EPRS1: variants seen among roughly 807,000 people sequenced by gnomAD.
The protein encoded by EPRS1 is bifunctional glutamate/proline--tRNA ligase.
EPRS1 carries 107 observed loss-of-function variants against 188.3 expected under a neutral mutation model. The ratio of observed to expected loss-of-function variants is 0.57; its 90% CI spans 0.49 to 0.67. EPRS1 has a LOEUF of 0.67. Ranked by LOEUF, EPRS1 falls within the 30% of genes least tolerant of loss-of-function variation. The probability of loss-of-function intolerance (pLI) is 0.00; values close to 1 mark genes in which losing one functional copy is unlikely to be tolerated. For synonymous variants in EPRS1, 596 were observed against 593.1 expected (o/e 1.00, Z -0.07); for missense variants, 1,577 against 1,802.2 (o/e 0.88, Z 2.26).
Position 219,988,678 on chromosome 1 carries a change from A to C in EPRS1, c.2687T>G (p.Leu896Ter), listed in dbSNP as rs775262803. The part of the protein sequence containing the change: ...SPTRNSEPAG[L>*]ETPEAKVLFD... ...AAGTACTTTCGCTTCTGGTGTTTCT[A>C]AACCAGCAGGTTCAGAATTTCTGGT... The change falls in exon 19 of 32, where the codon TTA becomes TGA. Residue 896 changes from leucine to a stop codon, truncating the protein, a stop_gained. Transcript: ENST00000366923. LOFTEE classifies it high-confidence loss of function. The C allele has an allele frequency of 6.2e-7, 1 of 1,613,928 alleles. No individual in the cohort carries two copies. The highest frequency in any genetic ancestry group is 2.2e-5 in the East Asian group (1 of 44,870).
rs1406778322 is a variant in EPRS1 at position 220,031,321 on chromosome 1, C to T, written c.529-841G>A. Among the ~76,000 whole-genome samples the T allele has an allele frequency of 3.9e-5, 6 of 152,132 alleles. 1 individual carries two copies. The highest frequency in any genetic ancestry group is 8.8e-5 in the Non-Finnish European group (6 of 68,002). On this transcript the variant is annotated intron_variant, in intron 5 of 31. Transcript: ENST00000366923. ...AGTCAGTCCTCAGGGATAATAGGAC[C>T]GTGGATTTGTGTTTTCTAAAGTGAT...
At chr1:220,022,223 C>T in intron 9 of EPRS1, 124 bp downstream of exon 9, 1 of 780,190 alleles carries the variant, frequency 1.3e-6, no homozygotes, top group Non-Finnish European at 2.1e-6. Flanking sequence ...AGGCCACCAG[C>T]CAGTGAACCC....
At chr1:220,034,091 C>A (rs1007790168) in intron 3 of EPRS1, among the ~76,000 whole-genome samples, 1 of 151,960 alleles carries the variant, frequency 6.6e-6, no homozygotes, top group Non-Finnish European at 1.5e-5. Context: ...AAGGTTAGAG[C>A]AGAATACAAA....
In EPRS1 at chr1:219,997,255, C is replaced by G. The variant is rs1388194526; in HGVS notation, c.2269G>C (p.Val757Leu). The G allele has an allele frequency of 6.2e-7, 1 of 1,613,884 alleles. No individual in the cohort carries two copies. The highest frequency in any genetic ancestry group is 8.5e-7 in the Non-Finnish European group (1 of 1,179,958). The change falls in exon 18 of 32, where the codon GTG becomes CTG. Residue 757 changes from valine to leucine, a missense_variant. Around this residue, in one of 3 missense-constraint regions of EPRS1, gnomAD observed 1,278 missense variants for 1,457.4 expected, o/e 0.88. Transcript: ENST00000366923. ...CGAACCACATCTCCTTGAACAGCCA[C>G]TCTATTGTAAAGGACCAAGGAATCC... is the stretch of plus-strand genomic sequence containing the variant. ...SEDSLVLYNR[V>L]AVQGDVVREL... is the part of the protein sequence containing the mutation.
At chr1:220,040,342 C>A in intron 1 of EPRS1, 73 bp from the exon 2 acceptor site, 1 of 1,003,100 alleles carries the variant, frequency 1.0e-6, no homozygotes, top group Non-Finnish European at 1.5e-6. Flanking sequence ...ATAAAGCAAT[C>A]AGGATGAGTC....
At chr1:220,011,084 A>T in intron 12 of EPRS1, 28 bp from the exon 13 acceptor site, 4 of 1,257,364 alleles carry the variant, frequency 3.2e-6, no homozygotes, top group Non-Finnish European at 4.7e-6. Flanking sequence ...TCATGTTAAA[A>T]CACTGCGATA....
rs1460271901 is a variant in EPRS1, at chr1:220,034,927, A to G, written c.218T>C (p.Met73Thr). 5.0e-6 allele frequency: 8 copies of G among 1,586,266 alleles called. No individual in the cohort carries two copies. The highest frequency in any genetic ancestry group is 1.3e-5 in the African/African-American group (1 of 74,356). ...TTCATTGCTTACCTCAGTATGTTCC[A>G]TCAGATTAGAGCCATATAACCCAGC... ...TTAGLYGSNLMEHTEIDHWLE... is the reference protein window; with the variant it reads ...TTAGLYGSNLTEHTEIDHWLE... Residue 73 changes from methionine to threonine, a missense_variant, in exon 3 of 32, where the codon ATG becomes ACG. Physicochemically the swap from Met to Thr is moderately conservative, Grantham distance 81. This residue lies in a region of EPRS1 where 1,278 missense variants were observed against 1,457.4 expected (regional missense o/e 0.88). Transcript: ENST00000366923.
At chr1:220,024,631 T>C (rs1661941172) in intron 7 of EPRS1, among the ~76,000 whole-genome samples, 175 bp from the exon 8 acceptor site, 2 of 152,210 alleles carry the variant, frequency 1.3e-5, no homozygotes, top group South Asian at 4.1e-4. Flanking sequence ...AGATAGATAC[T>C]CATTATATTA....
intron 27 of EPRS1, 100 bp downstream of exon 27, chr1:219,979,318 C>T: frequency 1.2e-6 from 1 of 839,660 alleles, no homozygotes; most frequent in South Asian, 1.8e-5. Flanking sequence ...TCAGAGAAAT[C>T]TGCCTGAATG....
chr1:219,985,027 A>C (rs2454326), intron 20 of EPRS1, among the ~76,000 whole-genome samples: 3 of 148,670 alleles, frequency 2.0e-5, no homozygotes, highest in Non-Finnish European at 4.5e-5. Flanking sequence ...CTGGGCAACA[A>C]AAGTGAAACT....
At chr1:220,031,400 T>C (rs1037374709) in intron 5 of EPRS1, among the ~76,000 whole-genome samples, 2 of 152,180 alleles carry the variant, frequency 1.3e-5, no homozygotes, top group African/African-American at 4.8e-5. Context: ...GAGATTATGG[T>C]ATTAAACCAA....
rs1347421677 is a variant in EPRS1, at chr1:220,024,351, C to T, written c.856G>A (p.Glu286Lys). Residue 286 changes from glutamate (E) to lysine (K), a missense_variant, in exon 8 of 32, where the codon GAA (glutamate) becomes AAA (lysine). This residue lies in a region of EPRS1 where 1,278 missense variants were observed against 1,457.4 expected (regional missense o/e 0.88). Coordinates refer to ENST00000366923, the MANE Select transcript of EPRS1 (RefSeq NM_004446.3). The part of the protein sequence containing the change: ...IMKYAEKLIQ[E>K]GKAYVDDTPA... ...GTATCATCCACATAAGCCTTCCCTT[C>T]TTGAATTAGCTTCTCTGCATACTTC... The T allele has an allele frequency of 1.2e-6, 2 of 1,613,280 alleles. No homozygotes were observed. Among genetic ancestry groups the T allele is most frequent in the Middle Eastern group, 3.3e-4 (2 of 6,060 alleles).
chr1:220,006,546 C>G (rs920604790), intron 14 of EPRS1, among the ~76,000 whole-genome samples: 6 of 151,966 alleles, frequency 3.9e-5, no homozygotes, highest in Admixed American at 1.3e-4. Context: ...CATCGAGATA[C>G]TAATAATCAA....
chr1:220,035,241 C>G (rs1202332847), intron 2 of EPRS1, among the ~76,000 whole-genome samples: 2 of 152,132 alleles, frequency 1.3e-5, no homozygotes, highest in African/African-American at 4.8e-5. Flanking sequence ...ACCTCTGCCT[C>G]CAGGGTTCAA....
intron 17 of EPRS1, 89 bp from the exon 18 acceptor site, chr1:219,997,431 T>C: frequency 1.7e-6 from 2 of 1,187,128 alleles, no homozygotes; most frequent in Non-Finnish European, 2.3e-6. Flanking sequence ...TTTTATAATG[T>C]TTCCAATTAA....
intron 27 of EPRS1, among the ~76,000 whole-genome samples, chr1:219,978,934 T>C (rs1016919267): frequency 2.2e-5 from 3 of 134,426 alleles, no homozygotes; most frequent in Admixed American, 8.1e-5. Flanking sequence ...AATCTATTTT[T>C]CATATGTGTG....
Position 220,007,190 on chromosome 1 carries a change from A to G in EPRS1, c.1742+12T>C, listed in dbSNP as rs766678431. On this transcript the variant is annotated intron_variant, in intron 14 of 31. Transcript: ENST00000366923. ...TCCTATGTTTATTTGAAAACAAACA[A>G]AAAGTTCTTACTTGTGTATTTTTGT... 5.0e-6 allele frequency: 8 copies of G among 1,599,660 alleles called. No homozygotes were observed. The highest frequency in any genetic ancestry group is 6.8e-6 in the Non-Finnish European group (8 of 1,173,818).
At chr1:220,045,940 G>A (rs1662392707) in intron 1 of EPRS1, among the ~76,000 whole-genome samples, 2 of 152,168 alleles carry the variant, frequency 1.3e-5, no homozygotes, top group South Asian at 2.1e-4. Flanking sequence ...GGAGTTGGGG[G>A]AAAAATGCTA....
intron 2 of EPRS1, among the ~76,000 whole-genome samples, chr1:220,037,729 C>T (rs1321071058): frequency 6.6e-6 from 1 of 152,030 alleles, no homozygotes; most frequent in Admixed American, 6.6e-5. Flanking sequence ...CAAACTAAAG[C>T]ATATTATTGT....
Sources: gnomAD v4.1 joint callset for allele counts (sites outside exome capture counted in the v4.1 genomes callset) on GRCh38, gnomAD v4.1.1 for gene constraint, gnomAD v4.1.1 regional missense constraint, MANE v1.5 for transcripts, NCBI Gene and HGNC (gene_info 2026-07-23, HGNC 2026-07-21) for gene names.